The following GOT1 variants were observed in gnomAD, a reference collection of about 807,000 sequenced individuals.
The protein encoded by GOT1 is aspartate aminotransferase, cytoplasmic.
Under a neutral mutation model 48.2 loss-of-function variants are expected in GOT1, and 25 were observed. That is an observed-to-expected ratio of 0.52 (90% CI 0.38 to 0.72). The LOEUF is 0.72. Among genes scored for constraint, GOT1 ranks in the 30% least tolerant of loss-of-function variants. The pLI is 0.00. For missense variants in GOT1, 380 were observed against 520.1 expected, an observed-to-expected ratio of 0.73 and a Z score of 2.62; for synonymous variants, 188 against 193.8, an observed-to-expected ratio of 0.97 and a Z score of 0.25.
chr10:99,409,471 T>C (rs1463309537), intron 2 of GOT1, among the ~76,000 whole-genome samples: 1 of 152,132 alleles, frequency 6.6e-6, no homozygotes, highest in East Asian at 1.9e-4. Flanking sequence ...AAGAAAAGCT[T>C]CCTAAATCTT....
chr10:99,406,840 C>T lies in GOT1; in HGVS notation c.310G>A (p.Val104Met). 1 of 1,613,944 alleles carries T rather than the reference C, an allele frequency of 6.2e-7. No homozygotes were observed. The highest frequency in any genetic ancestry group is 8.5e-7 in the Non-Finnish European group (1 of 1,179,812). Residue 104 changes from valine to methionine, a missense_variant, in exon 3 of 9, where the codon GTG (valine) becomes ATG (methionine). Coordinates refer to ENST00000370508, the MANE Select transcript of GOT1 (RefSeq NM_002079.3). ...GCACCTGTTCCCCCCAAAGATTGCA[C>T]ACCTCCTACCTGAAAGAGAAGAAAC... ...PALKEKRVGG[V>M]QSLGGTGALR...
intron 8 of GOT1, among the ~76,000 whole-genome samples, chr10:99,400,812 A>G (rs912432619): frequency 6.6e-6 from 1 of 152,158 alleles, no homozygotes; most frequent in African/African-American, 2.4e-5. Flanking sequence ...GTGGTGGCTC[A>G]TGCCTGTAGT....
rs566373822 is a variant in GOT1 at position 99,427,419 on chromosome 10, C to T, written c.118+3029G>A. Among the ~76,000 whole-genome samples, 3 of 152,318 alleles carry T rather than the reference C, an allele frequency of 2.0e-5. No individual in the cohort carries two copies. In the East Asian group the frequency reaches 5.8e-4, roughly 29 times the overall value. ...GTGTAGCTGGGACTGCAGGCGCCCG[C>T]CACCACGCCCTGCTAATTTTTTTGT... On this transcript the variant is annotated intron_variant, in intron 1 of 8. Transcript: ENST00000370508.
At chr10:99,417,249 C>A (rs1402052403) in intron 2 of GOT1, among the ~76,000 whole-genome samples, 6 of 152,156 alleles carry the variant, frequency 3.9e-5, no homozygotes, top group South Asian at 4.2e-4. Context: ...AACAAACAAC[C>A]CCATCAACAA....
chr10:99,426,418 T>C (rs1008802751), intron 1 of GOT1, among the ~76,000 whole-genome samples: 1 of 152,204 alleles, frequency 6.6e-6, no homozygotes, highest in African/African-American at 2.4e-5. Flanking sequence ...CCTATTAGGA[T>C]ACTGGGGAGA....
intron 1 of GOT1, among the ~76,000 whole-genome samples, chr10:99,429,099 G>C (rs2033078508): frequency 6.6e-6 from 1 of 151,418 alleles, no homozygotes; most frequent in South Asian, 2.1e-4. Flanking sequence ...GCCCAGCCTG[G>C]AGTGCAATGG....
In GOT1 at chr10:99,402,525, G is replaced by A. The variant is rs1298897720; in HGVS notation, c.1102+55C>T. 2.5e-6 allele frequency: 4 copies of A among 1,589,640 alleles called. No individual in the cohort carries two copies. In the African/African-American group the frequency reaches 4.0e-5, roughly 16 times the overall value. On this transcript the variant is annotated intron_variant, in intron 8 of 8. Coordinates refer to ENST00000370508, the MANE Select transcript of GOT1 (RefSeq NM_002079.3). Reference sequence around the variant, plus strand: ...CTCAGCTCAAGGCGAGCGACTGAAAGGAATGTTGTGTGTCTACATGCACGC... The same window carrying A: ...CTCAGCTCAAGGCGAGCGACTGAAAAGAATGTTGTGTGTCTACATGCACGC...
At chr10:99,400,034 C>T (rs1386982046) in intron 8 of GOT1, among the ~76,000 whole-genome samples, 1 of 152,202 alleles carries the variant, frequency 6.6e-6, no homozygotes, top group East Asian at 1.9e-4. Flanking sequence ...TGACTCCTAC[C>T]CTGGCTTTTG....
chr10:99,420,110 T>C (rs1437749637), intron 2 of GOT1, among the ~76,000 whole-genome samples: 1 of 152,238 alleles, frequency 6.6e-6, no homozygotes, highest in Non-Finnish European at 1.5e-5. Context: ...TTTGAAAATC[T>C]GCTAAAAGCT....
chr10:99,401,502 C>T (rs930206449), intron 8 of GOT1, among the ~76,000 whole-genome samples: 2 of 152,012 alleles, frequency 1.3e-5, no homozygotes, highest in African/African-American at 2.4e-5. Flanking sequence ...ACAGGTGAGT[C>T]GCCACATCTG....
intron 1 of GOT1, among the ~76,000 whole-genome samples, chr10:99,429,628 C>T (rs1046214350): frequency 1.3e-5 from 2 of 152,136 alleles, no homozygotes; most frequent in Non-Finnish European, 2.9e-5. Context: ...AGAAGAATAA[C>T]AAATTCATCA....
In GOT1 at chr10:99,403,876, T is replaced by TGCGGGGAAGCAAAGTGAGTCAGG. The variant is rs1325922002; in HGVS notation, c.643-25_643-3dup. The TGCGGGGAAGCAAAGTGAGTCAGG allele has an allele frequency of 6.2e-7, 1 of 1,613,214 alleles. No homozygotes were observed. The highest frequency in any genetic ancestry group is 1.3e-5 in the African/African-American group (1 of 74,920). On this transcript the variant is annotated splice_region_variant and splice_polypyrimidine_tract_variant and intron_variant, in intron 5 of 8. Transcript: ENST00000370508. ...AAAGAAGGGGAACAGAAACCGGTGC[T>TGCGGGGAAGCAAAGTGAGTCAGG]GCGGGGAAGCAAAGTGAGTCAGGGC... is the stretch of plus-strand genomic sequence containing the variant.
rs377098590 is a variant in GOT1, at chr10:99,426,207, A to C, written c.118+4241T>G. ...GGACCATGTCAGGGGCCTTTTTATC[A>C]GCATGCTCCCCAGCTCCATGCCCCA... On this transcript the variant is annotated intron_variant, in intron 1 of 8. Coordinates refer to ENST00000370508, the MANE Select transcript of GOT1 (RefSeq NM_002079.3). Among the ~76,000 whole-genome samples the C allele has an allele frequency of 9.9e-5, 15 of 152,252 alleles. 1 individual carries two copies. The highest frequency in any genetic ancestry group is 8.5e-4 in the Admixed American group (13 of 15,294).
chr10:99,429,551 T>G (rs1448567071), intron 1 of GOT1, among the ~76,000 whole-genome samples: 2 of 152,184 alleles, frequency 1.3e-5, no homozygotes, highest in Admixed American at 1.3e-4. Flanking sequence ...GGCTGGTCTT[T>G]GCACGTGGCA....
chr10:99,399,733 G>A (rs957880553), intron 8 of GOT1, among the ~76,000 whole-genome samples: 2 of 152,068 alleles, frequency 1.3e-5, no homozygotes, highest in Admixed American at 6.6e-5. Flanking sequence ...TGATTGTGAC[G>A]CCGCACTCCA....
chr10:99,401,541 C>A (rs2032678202), intron 8 of GOT1, among the ~76,000 whole-genome samples: 1 of 151,984 alleles, frequency 6.6e-6, no homozygotes, highest in African/African-American at 2.4e-5. Flanking sequence ...AGAAATGACG[C>A]CTGTAATCTC....
In GOT1 at chr10:99,413,289, G is replaced by A. The variant is rs1169624342; in HGVS notation, c.301-6440C>T. ...AACCATGGCACGAGAACTACATGAC[G>A]AATGCACAAGCTTCAGTAGCCGATT... On this transcript the variant is annotated intron_variant, in intron 2 of 8. Coordinates refer to ENST00000370508, the MANE Select transcript of GOT1 (RefSeq NM_002079.3). 5.9e-5 allele frequency among the ~76,000 whole-genome samples: 9 copies of A among 152,186 alleles called. No homozygotes were observed. The South Asian group carries it at 1.2e-3, about 21-fold the overall frequency.
chr10:99,426,193 G>A (rs1427873700), intron 1 of GOT1, among the ~76,000 whole-genome samples: 8 of 152,136 alleles, frequency 5.3e-5, no homozygotes, highest in Non-Finnish European at 8.8e-5. Context: ...GACCATGTCA[G>A]GGGCCTTTTT....
In GOT1 at chr10:99,397,641, A is replaced by G; in HGVS notation, c.1148T>C (p.Leu383Pro). 6.2e-7 allele frequency: 1 copy of G among 1,614,094 alleles called. No individual in the cohort carries two copies. Among genetic ancestry groups the G allele is most frequent in the South Asian group, 1.1e-5 (1 of 91,084 alleles). Residue 383 changes from leucine to proline, a missense_variant, in exon 9 of 9, where the codon CTG (leucine) becomes CCG (proline). Physicochemically the swap from Leu to Pro is moderately conservative, Grantham distance 98. Transcript: ENST00000370508. The surrounding 1 kb of genome is among the most constrained non-coding windows in gnomAD (Gnocchi z 5.4). ...ACTCACGTTGATTCGACCACTTGGC[A>G]GCAGGTAGATGTGCTTTTCATTGAC... ...YLVNEKHIYL[L>P]PSGRINVSGL...
Sources: allele counts gnomAD v4.1 joint callset (sites outside exome capture counted in the v4.1 genomes callset), GRCh38; gene constraint gnomAD v4.1.1; non-coding constraint Gnocchi (gnomAD v3.1); transcripts MANE v1.5; gene names NCBI Gene and HGNC (gene_info 2026-07-23, HGNC 2026-07-21).